Variants in ZNF536 observed in about 807,000 individuals in gnomAD.
The protein encoded by ZNF536 is zinc finger protein 536.
A neutral mutation model predicts 84.5 loss-of-function variants in ZNF536; 13 were observed. That is an observed-to-expected ratio of 0.15 (90% CI 0.10 to 0.24). The LOEUF is 0.24. Ranked by LOEUF, ZNF536 falls within the 10% of genes least tolerant of loss-of-function variation. ZNF536 has a pLI of 1.00. For synonymous variants in ZNF536, 811 were observed against 742.5 expected (o/e 1.09, Z -1.50); for missense variants, 1,536 against 1,747.5 (o/e 0.88, Z 2.16).
At chr19:30,317,413 G>A (rs1239712398) in intron 2 of ZNF536, among the ~76,000 whole-genome samples, 1 of 152,190 alleles carries the variant, frequency 6.6e-6, no homozygotes, top group Non-Finnish European at 1.5e-5. Flanking sequence ...CACATGGTAG[G>A]TGACATGTCT....
intron 1 of ZNF536, among the ~76,000 whole-genome samples, chr19:30,379,291 C>T (rs140559015): frequency 2.6e-5 from 4 of 152,122 alleles, no homozygotes; most frequent in South Asian, 2.1e-4. Context: ...TGGGAGCTCC[C>T]GGTGAGGATA....
intron 3 of ZNF536, among the ~76,000 whole-genome samples, chr19:30,535,258 C>T (rs904714016): frequency 2.6e-5 from 4 of 152,160 alleles, no homozygotes; most frequent in East Asian, 1.9e-4. Flanking sequence ...AACTGGGTCG[C>T]GTCTGAGCCT....
At chr19:30,244,595 G>A (rs1030208845) in intron 1 of ZNF536, among the ~76,000 whole-genome samples, 3 of 152,200 alleles carry the variant, frequency 2.0e-5, no homozygotes, top group South Asian at 4.1e-4. Flanking sequence ...AAACTCAGAT[G>A]TCTGCCTGCT....
intron 1 of ZNF536, among the ~76,000 whole-genome samples, chr19:30,422,899 A>T (rs540961973): frequency 2.3e-5 from 1 of 44,330 alleles, no homozygotes; most frequent in Non-Finnish European, 4.1e-5. Context: ...GCGTCTACCC[A>T]CCCACCCATC....
At chr19:30,275,698 T>C (rs979705783) in intron 1 of ZNF536, among the ~76,000 whole-genome samples, 2 of 152,130 alleles carry the variant, frequency 1.3e-5, no homozygotes, top group African/African-American at 4.8e-5. Flanking sequence ...ACCCACCTCA[T>C]AAGATGGATG....
upstream of ZNF536, among the ~76,000 whole-genome samples, chr19:30,369,704 T>A (rs1771134655): frequency 2.0e-5 from 3 of 152,216 alleles, no homozygotes; most frequent in Admixed American, 2.0e-4. Context: ...TAATTGAATA[T>A]TGTTAACCTG....
intron 2 of ZNF536, among the ~76,000 whole-genome samples, chr19:30,517,661 C>T (rs903460835): frequency 2.0e-5 from 3 of 152,140 alleles, no homozygotes; most frequent in East Asian, 1.9e-4. Context: ...GCGGTGCATA[C>T]GCCCCAGCTA....
chr19:30,680,692 G>GA (rs1455663644), intron 1 of ZNF536, among the ~76,000 whole-genome samples: 2 of 152,216 alleles, frequency 1.3e-5, no homozygotes, highest in Admixed American at 6.5e-5. Flanking sequence ...TTGTTATTGT[G>GA]AATAGTGCCG....
At chr19:30,468,450 C>T (rs1167559166) in intron 2 of ZNF536, among the ~76,000 whole-genome samples, 1 of 152,022 alleles carries the variant, frequency 6.6e-6, no homozygotes, top group Non-Finnish European at 1.5e-5. Flanking sequence ...TGTGCCACGC[C>T]AGGCACAGGG....
chr19:30,679,971 C>T (rs2147810609), intron 1 of ZNF536, among the ~76,000 whole-genome samples: 1 of 152,238 alleles, frequency 6.6e-6, no homozygotes, highest in South Asian at 2.1e-4. Flanking sequence ...TTACCCAGGG[C>T]CTCTGTCTCC....
At chr19:30,667,704 C>T (rs1169829485) in intron 1 of ZNF536, among the ~76,000 whole-genome samples, 2 of 145,930 alleles carry the variant, frequency 1.4e-5, no homozygotes, top group African/African-American at 5.2e-5. Context: ...GACCTACCTG[C>T]TCTGGAAGCC....
chr19:30,545,751 T>C (rs991193759), intron 3 of ZNF536, among the ~76,000 whole-genome samples: 1 of 152,148 alleles, frequency 6.6e-6, no homozygotes, highest in African/African-American at 2.4e-5. Flanking sequence ...ACATCCTCTG[T>C]GCATCCCCAC....
chr19:30,533,803 G>A (rs1458414240), intron 2 of ZNF536, among the ~76,000 whole-genome samples: 1 of 152,186 alleles, frequency 6.6e-6, no homozygotes, highest in Non-Finnish European at 1.5e-5. Flanking sequence ...GCTATCCTCA[G>A]GAGCTTAGAT....
At chr19:30,473,441 A>G (rs1042173389) in intron 2 of ZNF536, among the ~76,000 whole-genome samples, 2 of 152,120 alleles carry the variant, frequency 1.3e-5, no homozygotes, top group African/African-American at 4.8e-5. Context: ...AGACAAGACT[A>G]CATCCACCCC....
chr19:30,638,494 G>T (rs980877775), intron 1 of ZNF536, among the ~76,000 whole-genome samples: 1 of 152,140 alleles, frequency 6.6e-6, no homozygotes. Flanking sequence ...GTGAGAGGGG[G>T]GAAGTGCTAT....
chr19:30,299,749 T>C (rs2046118517), intron 2 of ZNF536, among the ~76,000 whole-genome samples: 1 of 152,214 alleles, frequency 6.6e-6, no homozygotes, highest in South Asian at 2.1e-4. Context: ...GAGTGAGTTA[T>C]GAAGATGTAC....
chr19:30,489,967 G>A (rs963445741), intron 2 of ZNF536, among the ~76,000 whole-genome samples: 8 of 152,218 alleles, frequency 5.3e-5, no homozygotes, highest in Non-Finnish European at 8.8e-5. Flanking sequence ...CTCAAAGGGT[G>A]CACACTCTGT....
At chr19:30,458,445 C>CTGTTTTTT (rs2052962445) in intron 2 of ZNF536, among the ~76,000 whole-genome samples, 1 of 93,692 alleles carries the variant, frequency 1.1e-5, no homozygotes, top group African/African-American at 5.8e-5. Context: ...CAATTTCCTG[C>CTGTTTTTT]TGTTTTTTTT....
At chr19:30,703,364 C>T (rs910734606) in intron 1 of ZNF536, among the ~76,000 whole-genome samples, 1 of 152,104 alleles carries the variant, frequency 6.6e-6, no homozygotes, top group Non-Finnish European at 1.5e-5. Flanking sequence ...TATCACAGCC[C>T]GCACTGCCTC....
Sources: gnomAD v4.1 joint callset for allele counts (sites outside exome capture counted in the v4.1 genomes callset) on GRCh38, gnomAD v4.1.1 for gene constraint, MANE v1.5 for transcripts, NCBI Gene and HGNC (gene_info 2026-07-23, HGNC 2026-07-21) for gene names.